LRIF1: variants seen among roughly 807,000 people sequenced by gnomAD.
LRIF1 encodes the protein ligand-dependent nuclear receptor-interacting factor 1.
In LRIF1, 32 loss-of-function variants were observed where a neutral mutation model predicts 52.7. The ratio of observed to expected loss-of-function variants is 0.61; its 90% CI spans 0.46 to 0.82. The LOEUF (loss-of-function observed/expected upper bound fraction) is 0.82, where lower values mean the gene tolerates loss of function less well. Ranked by LOEUF, LRIF1 falls within the 40% of genes least tolerant of loss-of-function variation. The pLI is 0.00. For missense variants in LRIF1, 887 were observed against 892.0 expected (o/e 0.99, Z 0.07); for synonymous variants, 323 against 317.4 (o/e 1.02, Z -0.19).
the LRIF1 span, among the ~76,000 whole-genome samples, chr1:110,924,547 C>A: frequency 2.6e-5 from 4 of 152,196 alleles, no homozygotes; most frequent in African/African-American, 4.8e-5. Flanking sequence ...ACCATCAGAT[C>A]TCGTGAGAAC....
intron 1 of LRIF1, chr1:110,963,393 G>C (rs1659048103): frequency 2.9e-6 from 1 of 346,004 alleles, no homozygotes; most frequent in Non-Finnish European, 5.4e-6. Flanking sequence ...TGAGACGCTG[G>C]GGTCCCGCGG....
chr1:110,951,364 A>G lies in LRIF1; in HGVS notation c.1520T>C (p.Ile507Thr), dbSNP rs1325468836. 1.2e-6 allele frequency: 2 copies of G among 1,614,118 alleles called. No individual in the cohort carries two copies. Among genetic ancestry groups the G allele is most frequent in the Non-Finnish European group, 1.7e-6 (2 of 1,179,992 alleles). Residue 507 changes from isoleucine (I) to threonine (T), a missense_variant, in exon 2 of 4, where the codon ATA (isoleucine) becomes ACA (threonine). Physicochemically the swap from Ile to Thr is moderately conservative, Grantham distance 89. Transcript: ENST00000369763. ...ATCAACAGAGGAACTTATTTTCTCT[A>G]TGCTCTGGAGGACACTTCCTTTTCT... Reference protein sequence around the residue: ...YARKGSVLQSIEKISSSVDAT... With the variant: ...YARKGSVLQSTEKISSSVDAT...
At chr1:110,896,576 C>T in the LRIF1 span, 10 of 1,361,314 alleles carry the variant, frequency 7.3e-6, no homozygotes, top group African/African-American at 1.5e-5. Flanking sequence ...GAAGGGCACA[C>T]CTTTTCCTCT....
the LRIF1 span, among the ~76,000 whole-genome samples, chr1:110,916,345 A>G: frequency 1.3e-5 from 2 of 152,196 alleles, no homozygotes; most frequent in Non-Finnish European, 2.9e-5. Flanking sequence ...GAAGATGAAC[A>G]TATTGATTAA....
the LRIF1 span, among the ~76,000 whole-genome samples, chr1:110,898,657 T>C: frequency 6.6e-6 from 1 of 150,868 alleles, no homozygotes; most frequent in East Asian, 2.0e-4. Context: ...TTTTGTCCTT[T>C]TTAATAAAAA....
the LRIF1 span, among the ~76,000 whole-genome samples, chr1:110,924,635 C>G: frequency 6.6e-6 from 1 of 152,178 alleles, no homozygotes; most frequent in African/African-American, 2.4e-5. Flanking sequence ...TCCACCTTGT[C>G]TCTCCTTTGA....
chr1:110,934,726 T>A, the LRIF1 span, among the ~76,000 whole-genome samples: 1 of 152,182 alleles, frequency 6.6e-6, no homozygotes, highest in African/African-American at 2.4e-5. Flanking sequence ...AGTCCCTGAC[T>A]TCCAGGTGGC....
the LRIF1 span, among the ~76,000 whole-genome samples, chr1:110,931,529 T>G: frequency 5.3e-5 from 8 of 152,188 alleles, no homozygotes; most frequent in Non-Finnish European, 1.2e-4. Context: ...CAAATGGTAT[T>G]TCTAGTTCTA....
In LRIF1 at chr1:110,947,997, C is replaced by G; in HGVS notation, c.2272G>C (p.Ala758Pro). The change falls in exon 4 of 4, where the codon GCT becomes CCT. Residue 758 changes from alanine (A) to proline (P), a missense_variant. Physicochemically the swap from Ala to Pro is conservative, Grantham distance 27. Transcript: ENST00000369763. ...ATCTTCTTACGCATTTCTTCAAGAG[C>G]TGCTTCTTTCTCTCTCAGCACCTGC... Reference protein sequence around the residue: ...LKQVLREKEAALEEMRKKMHQ... With the variant: ...LKQVLREKEAPLEEMRKKMHQ... 1 of 1,593,622 alleles carries G rather than the reference C, an allele frequency of 6.3e-7. No homozygotes were observed. Among genetic ancestry groups the G allele is most frequent in the East Asian group, 2.2e-5 (1 of 44,676 alleles).
the LRIF1 span, among the ~76,000 whole-genome samples, chr1:110,878,103 G>A: frequency 6.6e-6 from 1 of 152,146 alleles, no homozygotes; most frequent in Non-Finnish European, 1.5e-5. Flanking sequence ...GCCAGTCCTC[G>A]GCTTCTCTAT....
chr1:110,908,888 C>T, the LRIF1 span, among the ~76,000 whole-genome samples: 1 of 152,122 alleles, frequency 6.6e-6, no homozygotes, highest in Non-Finnish European at 1.5e-5. Context: ...ATTCAGAGAA[C>T]CCCTGTAAGA....
chr1:110,906,690 A>G, the LRIF1 span, among the ~76,000 whole-genome samples: 1 of 152,224 alleles, frequency 6.6e-6, no homozygotes, highest in African/African-American at 2.4e-5. Context: ...GTATACCCAC[A>G]GGAAACTATC....
the LRIF1 span, chr1:110,940,289 C>T: frequency 6.6e-6 from 1 of 152,172 alleles, no homozygotes; most frequent in African/African-American, 2.4e-5. Flanking sequence ...GATATCATTT[C>T]TCCCCAGTTA....
At position 110,948,098 on chromosome 1, in the gene LRIF1, T is replaced by A; in HGVS notation, c.2171A>T (p.Tyr724Phe). 6 of 1,614,140 alleles carry A rather than the reference T, an allele frequency of 3.7e-6. No homozygotes were observed. The highest frequency in any genetic ancestry group is 5.1e-6 in the Non-Finnish European group (6 of 1,180,008). Reference sequence around the variant, plus strand: ...TGTCACTGGGAAAATATCTTCGGTATAATTTTTATTGAAGAAATGACTTTG... The same window carrying A: ...TGTCACTGGGAAAATATCTTCGGTAAAATTTTTATTGAAGAAATGACTTTG... Reference protein sequence around the residue: ...YEQSHFFNKNYTEDIFPVTPP... With the variant: ...YEQSHFFNKNFTEDIFPVTPP... Residue 724 changes from tyrosine to phenylalanine, a missense_variant, in exon 4 of 4, where the codon TAT becomes TTT. Transcript: ENST00000369763.
the LRIF1 span, among the ~76,000 whole-genome samples, chr1:110,900,438 C>T: frequency 1.3e-5 from 2 of 152,170 alleles, no homozygotes; most frequent in Admixed American, 1.3e-4. Flanking sequence ...ACAATCTCGG[C>T]TCACTGCAAC....
chr1:110,878,978 G>A, the LRIF1 span, among the ~76,000 whole-genome samples: 1 of 143,344 alleles, frequency 7.0e-6, no homozygotes. Context: ...GTTCTAATAG[G>A]TACAAATGGA....
chr1:110,884,852 T>A, the LRIF1 span, among the ~76,000 whole-genome samples: 1 of 754 alleles, frequency 1.3e-3, no homozygotes, highest in Non-Finnish European at 0.025. Context: ...TTTAAATGCA[T>A]TTTTTTGTAA....
chr1:110,917,137 C>T, the LRIF1 span, among the ~76,000 whole-genome samples: 3 of 152,182 alleles, frequency 2.0e-5, no homozygotes, highest in Non-Finnish European at 2.9e-5. Flanking sequence ...TACTCCTGAG[C>T]CAGAGTTATG....
the LRIF1 span, among the ~76,000 whole-genome samples, chr1:110,902,204 ACT>A: frequency 6.6e-6 from 1 of 152,018 alleles, no homozygotes; most frequent in Non-Finnish European, 1.5e-5. Flanking sequence ...CTCTTCAATG[ACT>A]CTGTTCTTAG....
Sources: allele counts gnomAD v4.1 joint callset (sites outside exome capture counted in the v4.1 genomes callset), GRCh38; gene constraint gnomAD v4.1.1; transcripts MANE v1.5; gene names NCBI Gene and HGNC (gene_info 2026-07-23, HGNC 2026-07-21).